Variants in KIAA0930 observed in about 807,000 individuals in gnomAD.
KIAA0930 encodes the protein KIAA0930, also known as uncharacterized protein KIAA0930.
KIAA0930 carries 24 observed loss-of-function variants against 43.9 expected under a neutral mutation model. That is an observed-to-expected ratio of 0.55 (90% confidence interval 0.40 to 0.77). The LOEUF (loss-of-function observed/expected upper bound fraction) is 0.77. Ranked by LOEUF, KIAA0930 falls within the 30% of genes least tolerant of loss-of-function variation. The probability of loss-of-function intolerance (pLI) is 0.00; values close to 1 mark genes in which losing one functional copy is unlikely to be tolerated. For missense variants in KIAA0930, 461 were observed against 574.2 expected, an observed-to-expected ratio of 0.80 and a Z score of 2.02; for synonymous variants, 259 against 216.4, an observed-to-expected ratio of 1.20 and a Z score of -1.73.
intron 7 of KIAA0930, among the ~76,000 whole-genome samples, chr22:45,201,827 G>A (rs1215926419): frequency 2.0e-5 from 3 of 152,074 alleles, no homozygotes; most frequent in South Asian, 4.1e-4. Flanking sequence ...GATCTTTCTC[G>A]AACTAAAAGT....
At chr22:45,204,965 G>A (rs1278445627) in intron 5 of KIAA0930, among the ~76,000 whole-genome samples, 1 of 152,160 alleles carries the variant, frequency 6.6e-6, no homozygotes, top group Non-Finnish European at 1.5e-5. Flanking sequence ...TTAGTCTTCA[G>A]CCCTGACAGT....
intron 7 of KIAA0930, among the ~76,000 whole-genome samples, chr22:45,201,316 C>G (rs2083587000): frequency 6.6e-6 from 1 of 152,230 alleles, no homozygotes; most frequent in Admixed American, 6.5e-5. Context: ...GCTGCTGACC[C>G]TGTGTGACCC....
At chr22:45,197,605 C>T (rs1449246945) in intron 9 of KIAA0930, among the ~76,000 whole-genome samples, 185 bp downstream of exon 9, 1 of 152,208 alleles carries the variant, frequency 6.6e-6, no homozygotes, top group African/African-American at 2.4e-5. Flanking sequence ...GGGAGGACTT[C>T]AGCTCTGGGA....
intron 1 of KIAA0930, chr22:45,212,471 G>T (rs542139486): frequency 4.2e-6 from 6 of 1,445,396 alleles, no homozygotes; most frequent in Admixed American, 5.1e-5. Flanking sequence ...AGCCGGGAAG[G>T]CTTGGCTGGG....
intron 1 of KIAA0930, among the ~76,000 whole-genome samples, chr22:45,221,245 T>C (rs775229021): frequency 1.3e-5 from 2 of 152,192 alleles, no homozygotes; most frequent in Non-Finnish European, 2.9e-5. Context: ...TTTCAGTCTT[T>C]CCCTAGCAAA....
intron 1 of KIAA0930, among the ~76,000 whole-genome samples, chr22:45,219,587 T>G (rs925948867): frequency 2.8e-5 from 3 of 107,294 alleles, no homozygotes; most frequent in East Asian, 2.7e-4. Context: ...TGATTGTTTT[T>G]TTTTTTTTTT....
chr22:45,198,202 TCTC>T (rs1341125758), intron 8 of KIAA0930, among the ~76,000 whole-genome samples: 1 of 152,106 alleles, frequency 6.6e-6, no homozygotes, highest in Admixed American at 6.5e-5. Flanking sequence ...ATCTCTCTCT[TCTC>T]TGTCACAAGC....
chr22:45,210,380 G>A (rs1042523234), intron 2 of KIAA0930, among the ~76,000 whole-genome samples: 1 of 152,122 alleles, frequency 6.6e-6, no homozygotes, highest in Non-Finnish European at 1.5e-5. Flanking sequence ...GGTGAGAGGA[G>A]CCTGTGCCCG....
chr22:45,230,031 G>A (rs577297829), intron 1 of KIAA0930, among the ~76,000 whole-genome samples: 2 of 152,358 alleles, frequency 1.3e-5, no homozygotes, highest in East Asian at 1.9e-4. Context: ...AGGGGGCGGA[G>A]GGCGCAGTGA....
chr22:45,200,283 C>T lies in KIAA0930; in HGVS notation c.853-248G>A, dbSNP rs1429701004. 13 of 422,416 alleles carry T rather than the reference C, an allele frequency of 3.1e-5. No individual in the cohort carries two copies. In the South Asian group the frequency reaches 3.1e-4, roughly 10 times the overall value. 26.2% of individuals were successfully genotyped at this position (422,416 alleles called of 1,614,324 possible). On this transcript the variant is annotated intron_variant, in intron 7 of 9. Coordinates refer to ENST00000336156, the MANE Select transcript of KIAA0930 (RefSeq NM_001009880.2). ...ACCCGAGGAGGGGCCAGGCTGCTGC[C>T]GCAAATGGCAGAAAGACCCCCCTCC...
At chr22:45,229,865 G>A (rs1399532812) in intron 1 of KIAA0930, among the ~76,000 whole-genome samples, 4 of 152,326 alleles carry the variant, frequency 2.6e-5, no homozygotes, top group East Asian at 1.9e-4. Flanking sequence ...AGGCCAAGGC[G>A]GGTGGATCAC....
chr22:45,206,489 G>A (rs1410983238), intron 2 of KIAA0930, among the ~76,000 whole-genome samples: 1 of 152,208 alleles, frequency 6.6e-6, no homozygotes, highest in East Asian at 1.9e-4. Flanking sequence ...TGGCATCAAT[G>A]ATAATAGTGA....
chr22:45,237,811 C>T (rs1053816286), intron 1 of KIAA0930, among the ~76,000 whole-genome samples: 7 of 152,202 alleles, frequency 4.6e-5, no homozygotes, highest in African/African-American at 1.7e-4. Flanking sequence ...GGTGTTCTGG[C>T]TCCTCTCAGG....
Position 45,193,074 on chromosome 22 carries a change from G to C in KIAA0930, c.*4102C>G, listed in dbSNP as rs991358232. The stretch of plus-strand genomic sequence containing the variant: ...TGCTTCCATTCAAGCTCAAGGGCAC[G>C]TGCCTTTCCTTATCTCGTGGAGTGT... On this transcript the variant is annotated 3_prime_UTR_variant, in exon 10 of 10. Transcript: ENST00000336156. 1 of 152,224 alleles carries C rather than the reference G, an allele frequency of 6.6e-6. No individual in the cohort carries two copies. The highest frequency in any genetic ancestry group is 1.5e-5 in the Non-Finnish European group (1 of 68,062). 9.4% of individuals were successfully genotyped at this position (152,224 alleles called of 1,614,324 possible).
intron 1 of KIAA0930, chr22:45,212,575 A>G (rs2083704729): frequency 1.4e-6 from 2 of 1,385,526 alleles, no homozygotes; most frequent in Non-Finnish European, 9.3e-7. Flanking sequence ...CCCGACTTAA[A>G]GGGACAGCCG....
intron 1 of KIAA0930, among the ~76,000 whole-genome samples, chr22:45,231,800 T>C (rs1475622695): frequency 1.3e-5 from 2 of 151,934 alleles, no homozygotes; most frequent in African/African-American, 2.4e-5. Flanking sequence ...ATCAAGACCA[T>C]CCTAACATGG....
At chr22:45,237,347 G>C (rs1486571825) in intron 1 of KIAA0930, among the ~76,000 whole-genome samples, 1 of 152,188 alleles carries the variant, frequency 6.6e-6, no homozygotes, top group Non-Finnish European at 1.5e-5. Flanking sequence ...GCAGGGATCA[G>C]GGCCCAACAC....
intron 1 of KIAA0930, among the ~76,000 whole-genome samples, chr22:45,215,889 G>A (rs1601818911): frequency 6.6e-6 from 1 of 152,314 alleles, no homozygotes; most frequent in African/African-American, 2.4e-5. Context: ...GAAAGGGAAC[G>A]GGGAGGCGGG....
At chr22:45,225,556 G>A (rs138182240) in intron 1 of KIAA0930, among the ~76,000 whole-genome samples, 2 of 152,250 alleles carry the variant, frequency 1.3e-5, no homozygotes, top group African/African-American at 2.4e-5. Flanking sequence ...CTGACCAAAC[G>A]CCCTGCATCC....
Sources: gnomAD v4.1 joint callset for allele counts (sites outside exome capture counted in the v4.1 genomes callset) on GRCh38, gnomAD v4.1.1 for gene constraint, MANE v1.5 for transcripts, NCBI Gene and HGNC (gene_info 2026-07-23, HGNC 2026-07-21) for gene names.